Variants in CLSTN2 observed in about 807,000 individuals in gnomAD.
The protein encoded by CLSTN2 is calsyntenin 2.
CLSTN2 carries 48 observed loss-of-function variants against 101.2 expected under a neutral mutation model. That is an observed-to-expected ratio of 0.47 (90% CI 0.38 to 0.60). The LOEUF is 0.60. Among genes scored for constraint, CLSTN2 ranks in the 20% least tolerant of loss-of-function variants. The pLI, the probability that CLSTN2 is intolerant of heterozygous loss-of-function variation, is 0.00. For synonymous variants in CLSTN2, 481 were observed against 463.6 expected (o/e 1.04, Z -0.48); for missense variants, 1,160 against 1,238.2 (o/e 0.94, Z 0.95).
chr3:140,550,781 G>T (rs1935686207), intron 10 of CLSTN2, among the ~76,000 whole-genome samples: 1 of 151,540 alleles, frequency 6.6e-6, no homozygotes, highest in African/African-American at 2.4e-5. Flanking sequence ...TGTGGGGACT[G>T]AGGAGGCTAA....
chr3:139,955,619 G>A (rs988937516), intron 1 of CLSTN2, among the ~76,000 whole-genome samples: 5 of 4,622 alleles, frequency 1.1e-3, no homozygotes. Context: ...TGGCACTCCA[G>A]TGCACAGGGA....
At chr3:140,240,174 C>CTATATATATATATATA (rs1226140178) in intron 2 of CLSTN2, among the ~76,000 whole-genome samples, 1 of 13,356 alleles carries the variant, frequency 7.5e-5, no homozygotes, top group African/African-American at 1.1e-4. Context: ...CTCTCTCTCT[C>CTATATATATATATATA]TATATATATA....
Position 140,571,039 on chromosome 3 carries a change from A to G in CLSTN2, c.*4786A>G, listed in dbSNP as rs1180801173. ...CTGACAAACTGACAGATATTCCACG[A>G]GAGTTGAAAGCCTTGGATCGAGGTG... is the stretch of plus-strand genomic sequence containing the variant. On this transcript the variant is annotated 3_prime_UTR_variant, in exon 17 of 17. Coordinates refer to ENST00000458420, the MANE Select transcript of CLSTN2 (RefSeq NM_022131.3). The G allele has an allele frequency of 6.6e-6, 1 of 152,254 alleles. No individual in the cohort carries two copies. Among genetic ancestry groups the G allele is most frequent in the African/African-American group, 2.4e-5 (1 of 41,462 alleles). The allele number at this position is 152,254 out of a possible 1,614,324, so 9.4% of individuals were successfully genotyped here.
At chr3:140,372,688 A>T (rs1340169205) in intron 2 of CLSTN2, among the ~76,000 whole-genome samples, 1 of 152,184 alleles carries the variant, frequency 6.6e-6, no homozygotes, top group Non-Finnish European at 1.5e-5. Flanking sequence ...TATCTTAAGC[A>T]TACCCTGTGA....
At chr3:140,484,287 T>C (rs2107753471) in intron 8 of CLSTN2, among the ~76,000 whole-genome samples, 2 of 152,356 alleles carry the variant, frequency 1.3e-5, no homozygotes, top group South Asian at 4.1e-4. Flanking sequence ...TGTCGAATAT[T>C]GGCCCCCACT....
chr3:140,337,356 T>C (rs1333434543), intron 2 of CLSTN2, among the ~76,000 whole-genome samples: 1 of 152,204 alleles, frequency 6.6e-6, no homozygotes, highest in East Asian at 1.9e-4. Context: ...TTCCTTGGCT[T>C]GTCAATGGTA....
At chr3:140,426,425 G>T (rs940317848) in intron 5 of CLSTN2, among the ~76,000 whole-genome samples, 8 of 152,176 alleles carry the variant, frequency 5.3e-5, no homozygotes, top group Non-Finnish European at 2.9e-5. Context: ...ATGGTTTCCA[G>T]CTCCATCCAT....
intron 1 of CLSTN2, among the ~76,000 whole-genome samples, chr3:140,040,032 C>T (rs918685095): frequency 1.3e-5 from 2 of 152,044 alleles, no homozygotes; most frequent in East Asian, 3.9e-4. Flanking sequence ...ATTCATTGTC[C>T]ATCTTCTATA....
At chr3:140,042,632 T>A (rs1443142877) in intron 1 of CLSTN2, among the ~76,000 whole-genome samples, 2 of 152,154 alleles carry the variant, frequency 1.3e-5, no homozygotes, top group Non-Finnish European at 2.9e-5. Context: ...CATTAACTCA[T>A]CATTTACATT....
intron 2 of CLSTN2, among the ~76,000 whole-genome samples, chr3:140,402,877 T>C (rs1438401325): frequency 6.6e-6 from 1 of 152,182 alleles, no homozygotes; most frequent in Non-Finnish European, 1.5e-5. Flanking sequence ...TGGCCTCTGT[T>C]TTGCTCCCTC....
intron 2 of CLSTN2, among the ~76,000 whole-genome samples, chr3:140,225,970 A>T (rs1415379920): frequency 6.6e-6 from 1 of 152,028 alleles, no homozygotes; most frequent in Admixed American, 6.6e-5. Flanking sequence ...ATTGCTGGGG[A>T]TTTTATTGGG....
At chr3:140,280,536 C>T (rs1384161269) in intron 2 of CLSTN2, among the ~76,000 whole-genome samples, 2 of 152,146 alleles carry the variant, frequency 1.3e-5, no homozygotes, top group Non-Finnish European at 2.9e-5. Context: ...GGAAGCAGCT[C>T]CCATGCCTAT....
chr3:140,262,990 TGAA>T (rs141768258), intron 2 of CLSTN2, among the ~76,000 whole-genome samples: 4,648 of 152,062 alleles, frequency 0.031, 150 homozygotes, highest in African/African-American at 0.074. Flanking sequence ...CCAGGATTTT[TGAA>T]GAAGAACAAA....
At chr3:140,127,645 C>T (rs943809214) in intron 1 of CLSTN2, among the ~76,000 whole-genome samples, 2 of 152,082 alleles carry the variant, frequency 1.3e-5, no homozygotes, top group Non-Finnish European at 2.9e-5. Context: ...AGTCAAACTT[C>T]CTAGTCAAAA....
At chr3:140,036,892 A>C (rs2007664950) in intron 1 of CLSTN2, among the ~76,000 whole-genome samples, 1 of 152,186 alleles carries the variant, frequency 6.6e-6, no homozygotes, top group Non-Finnish European at 1.5e-5. Flanking sequence ...TATATACTAA[A>C]TGCTAGATGT....
chr3:140,425,176 C>A (rs1252744793), intron 5 of CLSTN2, among the ~76,000 whole-genome samples: 2 of 152,218 alleles, frequency 1.3e-5, no homozygotes, highest in African/African-American at 4.8e-5. Flanking sequence ...CCACCTCCCC[C>A]AAGCACTCCC....
intron 2 of CLSTN2, among the ~76,000 whole-genome samples, chr3:140,239,489 T>C (rs1424712298): frequency 3.3e-5 from 5 of 152,212 alleles, no homozygotes; most frequent in Admixed American, 3.3e-4. Flanking sequence ...ATCACTCTTT[T>C]GCATACTTAA....
At chr3:140,353,717 CT>C (rs1203472866) in intron 2 of CLSTN2, among the ~76,000 whole-genome samples, 5 of 152,272 alleles carry the variant, frequency 3.3e-5, no homozygotes, top group South Asian at 2.1e-4. Context: ...AGATCTAATG[CT>C]TACTGAGATG....
Position 140,403,718 on chromosome 3 carries a change from G to A in CLSTN2, c.322G>A (p.Ala108Thr), listed in dbSNP as rs751047596. The change falls in exon 3 of 17, where the codon GCC (alanine) becomes ACC (threonine). Residue 108 changes from alanine (A) to threonine (T), a missense_variant. Physicochemically the swap from Ala to Thr is moderately conservative, Grantham distance 58 (BLOSUM62 0). Transcript: ENST00000458420. ...NKTSGEGRLR[A>T]KSPIDCELQK... is the part of the protein sequence containing the mutation. ...GACATCAGGAGAGGGCCGGCTCCGT[G>A]CCAAGAGCCCCATTGACTGTGAGTT... 6.2e-7 allele frequency: 1 copy of A among 1,614,160 alleles called. No individual in the cohort carries two copies. Among genetic ancestry groups the A allele is most frequent in the Admixed American group, 1.7e-5 (1 of 60,028 alleles).
Sources: gnomAD v4.1 joint callset for allele counts (sites outside exome capture counted in the v4.1 genomes callset) on GRCh38, gnomAD v4.1.1 for gene constraint, MANE v1.5 for transcripts, NCBI Gene and HGNC (gene_info 2026-07-23, HGNC 2026-07-21) for gene names.